SOX5: variants seen among roughly 807,000 people sequenced by gnomAD.
SOX5 encodes SRY-box transcription factor 5.
SOX5 carries 9 observed loss-of-function variants against 92.0 expected under a neutral mutation model. The ratio of observed to expected loss-of-function variants is 0.10; its 90% CI spans 0.06 to 0.17. The LOEUF is 0.17. Among genes scored for constraint, SOX5 ranks in the 10% least tolerant of loss-of-function variants. SOX5 has a pLI of 1.00. For synonymous variants in SOX5, 344 were observed against 336.3 expected (o/e 1.02, Z -0.25); for missense variants, 642 against 944.5 (o/e 0.68, Z 4.20).
At chr12:24,450,469 A>ATTTT (rs373858427) in intron 1 of SOX5, among the ~76,000 whole-genome samples, 6 of 133,676 alleles carry the variant, frequency 4.5e-5, no homozygotes, top group Admixed American at 1.5e-4. Context: ...GTGTGTATTT[A>ATTTT]TTTTATTTAT....
chr12:23,804,333 T>C (rs2095717324), intron 3 of SOX5, among the ~76,000 whole-genome samples: 1 of 152,148 alleles, frequency 6.6e-6, no homozygotes, highest in Non-Finnish European at 1.5e-5. Context: ...TAGATCCATA[T>C]CTATAACAGC....
intron 1 of SOX5, among the ~76,000 whole-genome samples, chr12:23,904,314 C>A (rs1350188166): frequency 6.7e-6 from 1 of 149,796 alleles, no homozygotes; most frequent in Non-Finnish European, 1.5e-5. Context: ...ACTTCTCTAC[C>A]CATTTCTTCC....
intron 10 of SOX5, among the ~76,000 whole-genome samples, chr12:23,568,810 T>C (rs1832402036): frequency 6.6e-6 from 1 of 151,846 alleles, no homozygotes; most frequent in African/African-American, 2.4e-5. Flanking sequence ...CTTGGCCTCC[T>C]AACTGGTTTT....
chr12:23,894,646 A>T (rs1370614136), intron 2 of SOX5, among the ~76,000 whole-genome samples: 1 of 152,204 alleles, frequency 6.6e-6, no homozygotes, highest in Non-Finnish European at 1.5e-5. Flanking sequence ...CAAAGTATTG[A>T]TCTATTACAC....
chr12:23,628,976 A>G (rs2138349610), intron 8 of SOX5, among the ~76,000 whole-genome samples: 1 of 152,102 alleles, frequency 6.6e-6, no homozygotes, highest in East Asian at 1.9e-4. Flanking sequence ...TGATTATATA[A>G]TCATTTTTGA....
chr12:23,824,598 C>A (rs1316695047), intron 3 of SOX5, among the ~76,000 whole-genome samples: 1 of 152,182 alleles, frequency 6.6e-6, no homozygotes, highest in Non-Finnish European at 1.5e-5. Flanking sequence ...GTCAGGGACC[C>A]ACTTTAGGAG....
chr12:24,187,396 A>G (rs768856713), intron 4 of SOX5, among the ~76,000 whole-genome samples: 26 of 152,220 alleles, frequency 1.7e-4, no homozygotes, highest in Admixed American at 4.6e-4. Context: ...AAATATTAAG[A>G]TGCTGAAAGC....
chr12:23,837,224 T>C (rs1047375217), intron 3 of SOX5, among the ~76,000 whole-genome samples: 15 of 122,716 alleles, frequency 1.2e-4, no homozygotes, highest in Admixed American at 6.4e-4. Context: ...TTATATGATA[T>C]ATAATATATA....
rs532761572 is a variant in SOX5, at chr12:24,509,092, A to G, written c.-251+53237T>C. On this transcript the variant is annotated intron_variant, in intron 1 of 4. Transcript: ENST00000446891. ...AAAAATAAAGATAAGTAGCAGCGTG[A>G]TGGCCAGTCAGTAGACAATGCCACT... Among the ~76,000 whole-genome samples the G allele has an allele frequency of 1.1e-3, 161 of 152,336 alleles. 2 individuals carry two copies. Among genetic ancestry groups the G allele is most frequent in the African/African-American group, 2.8e-3 (118 of 41,586 alleles).
chr12:23,632,609 T>C (rs2078689492), intron 8 of SOX5, among the ~76,000 whole-genome samples: 1 of 152,114 alleles, frequency 6.6e-6, no homozygotes, highest in Admixed American at 6.6e-5. Flanking sequence ...TCATAATTAT[T>C]GACCTTCTTC....
intron 2 of SOX5, among the ~76,000 whole-genome samples, chr12:24,339,382 A>C (rs2141053839): frequency 6.6e-6 from 1 of 152,292 alleles, no homozygotes; most frequent in African/African-American, 2.4e-5. Flanking sequence ...CATTCTAAGC[A>C]GAGGGTACAA....
intron 4 of SOX5, among the ~76,000 whole-genome samples, chr12:24,017,859 A>G (rs1295012950): frequency 6.6e-6 from 1 of 152,040 alleles, no homozygotes; most frequent in Non-Finnish European, 1.5e-5. Flanking sequence ...CCACACACAC[A>G]TCACTTTCTG....
chr12:23,570,326 A>G (rs1042254431), intron 10 of SOX5, among the ~76,000 whole-genome samples: 8 of 152,208 alleles, frequency 5.3e-5, no homozygotes, highest in Non-Finnish European at 1.0e-4. Flanking sequence ...TGCAAACTGT[A>G]AAGTGTTATG....
At chr12:24,114,835 C>T (rs1301738659) in intron 4 of SOX5, among the ~76,000 whole-genome samples, 2 of 151,938 alleles carry the variant, frequency 1.3e-5, no homozygotes, top group Admixed American at 1.3e-4. Flanking sequence ...ACTCGGGAGG[C>T]TGGGGTGCGG....
intron 1 of SOX5, among the ~76,000 whole-genome samples, chr12:24,505,657 G>C (rs930780903): frequency 3.9e-5 from 6 of 152,188 alleles, no homozygotes; most frequent in Non-Finnish European, 7.3e-5. Context: ...AACCAGCCAA[G>C]TGGATCAAAA....
At chr12:24,016,554 G>A (rs1394451781) in intron 4 of SOX5, among the ~76,000 whole-genome samples, 1 of 152,082 alleles carries the variant, frequency 6.6e-6, no homozygotes, top group Admixed American at 6.6e-5. Context: ...AAGGTAACAA[G>A]TAGGACAGAT....
chr12:24,417,317 G>A (rs1965189926), intron 1 of SOX5, among the ~76,000 whole-genome samples: 1 of 152,168 alleles, frequency 6.6e-6, no homozygotes, highest in South Asian at 2.1e-4. Context: ...AGCACATGGA[G>A]TTTTTGTATG....
At chr12:24,143,840 A>G (rs554792166) in intron 4 of SOX5, among the ~76,000 whole-genome samples, 95 of 151,436 alleles carry the variant, frequency 6.3e-4, no homozygotes, top group African/African-American at 2.2e-3. Context: ...GAGGAGGAGG[A>G]AGAGGAGGAG....
At chr12:24,374,069 TCTC>T (rs1422700112) in intron 1 of SOX5, among the ~76,000 whole-genome samples, 2 of 151,978 alleles carry the variant, frequency 1.3e-5, no homozygotes, top group Admixed American at 1.3e-4. Context: ...GTGTGGGAGC[TCTC>T]ACACACCTAG....
Sources: allele counts gnomAD v4.1 joint callset (sites outside exome capture counted in the v4.1 genomes callset), GRCh38; gene constraint gnomAD v4.1.1; transcripts MANE v1.5; gene names NCBI Gene and HGNC (gene_info 2026-07-23, HGNC 2026-07-21).